The following SLC25A48 variants were observed in gnomAD, a reference collection of about 807,000 sequenced individuals.
SLC25A48 encodes the protein CTC-321K16.1.
A neutral mutation model predicts 32.2 loss-of-function variants in SLC25A48; 29 were observed. The observed-to-expected ratio is 0.90, with a 90% confidence interval of 0.67 to 1.23. SLC25A48 has a LOEUF of 1.23. SLC25A48 is among the 50% of genes most tolerant of loss of function. The pLI is 0.00. For missense variants in SLC25A48, 399 were observed against 422.7 expected (o/e 0.94, Z 0.49); for synonymous variants, 164 against 172.3 (o/e 0.95, Z 0.38).
intron 3 of SLC25A48, among the ~76,000 whole-genome samples, chr5:135,711,755 T>C (rs549509015): frequency 4.2e-4 from 64 of 152,318 alleles, no homozygotes; most frequent in African/African-American, 1.4e-3. Context: ...GACTGTATTC[T>C]TCAGTTACTG....
At chr5:135,608,910 T>C (rs1261983593) in intron 1 of SLC25A48, among the ~76,000 whole-genome samples, 1 of 152,204 alleles carries the variant, frequency 6.6e-6, no homozygotes, top group Non-Finnish European at 1.5e-5. Context: ...TAGATCTTAA[T>C]TGGAGGAAAG....
rs142685487 is a variant in SLC25A48 at position 135,667,578 on chromosome 5, C to T, written c.-521+32622C>T. ...TCTTAAAAACCCCCTACTCCCTTCC[C>T]TCTCTTTGGAATATAATTTGGCTTC... On this transcript the variant is annotated intron_variant, in intron 3 of 10. Transcript: ENST00000646290. Among the ~76,000 whole-genome samples, 1,330 of 152,312 alleles carry T rather than the reference C, an allele frequency of 8.7e-3. 13 individuals carry two copies. Among genetic ancestry groups the T allele is most frequent in the Non-Finnish European group, 0.013 (866 of 68,028 alleles).
chr5:135,710,724 G>T (rs1322453581), intron 3 of SLC25A48, among the ~76,000 whole-genome samples: 1 of 152,230 alleles, frequency 6.6e-6, no homozygotes, highest in Non-Finnish European at 1.5e-5. Flanking sequence ...ACCTCAACCT[G>T]TGACTTCCTG....
At chr5:135,866,036 C>T (rs17169238) in intron 4 of SLC25A48, among the ~76,000 whole-genome samples, 1,778 of 152,272 alleles carry the variant, frequency 0.012, 30 homozygotes, top group African/African-American at 0.04. Context: ...CTTGAAATGA[C>T]TCCCACTGGC....
rs1762531864 is a variant in SLC25A48, at chr5:135,882,281, C to T, written c.*7+2184C>T. Among the ~76,000 whole-genome samples, 3 of 152,366 alleles carry T rather than the reference C, an allele frequency of 2.0e-5. No homozygotes were observed. The South Asian group carries it at 6.2e-4, about 32-fold the overall frequency. ...TGCCCATGGCATTCAACTTCCTGCT[C>T]TAACCCCCAAATACCAAGGCCTTTT... On this transcript the variant is annotated intron_variant, in intron 7 of 7. Transcript: ENST00000681962.
chr5:135,865,596 G>A (rs995860605), intron 4 of SLC25A48, among the ~76,000 whole-genome samples: 2 of 152,094 alleles, frequency 1.3e-5, no homozygotes, highest in African/African-American at 2.4e-5. Context: ...TAAGTCAGGC[G>A]CTCCATTGTC....
intron 3 of SLC25A48, among the ~76,000 whole-genome samples, chr5:135,756,764 T>A (rs7732406): frequency 0.76 from 115,779 of 151,856 alleles, 44,725 homozygotes; most frequent in Middle Eastern, 0.87. Context: ...CATCTAGATG[T>A]TTATTTATAA....
intron 3 of SLC25A48, among the ~76,000 whole-genome samples, chr5:135,700,397 A>T (rs1754366227): frequency 6.7e-6 from 1 of 149,788 alleles, no homozygotes; most frequent in Non-Finnish European, 1.5e-5. Flanking sequence ...AAAAAAAGAA[A>T]GAAAGAAAAG....
chr5:135,767,708 G>A (rs1255108976), intron 3 of SLC25A48, among the ~76,000 whole-genome samples: 1 of 151,774 alleles, frequency 6.6e-6, no homozygotes, highest in African/African-American at 2.4e-5. Flanking sequence ...ACACCCACCT[G>A]TGATATTGTC....
chr5:135,654,599 G>A (rs1267628566), intron 3 of SLC25A48, among the ~76,000 whole-genome samples: 1 of 152,228 alleles, frequency 6.6e-6, no homozygotes, highest in Non-Finnish European at 1.5e-5. Flanking sequence ...GGACAAACGA[G>A]TCTGTGGTGA....
At chr5:135,790,429 C>A (rs759057112) in intron 3 of SLC25A48, among the ~76,000 whole-genome samples, 5 of 151,656 alleles carry the variant, frequency 3.3e-5, no homozygotes, top group Admixed American at 6.6e-5. Context: ...AGTGGGTGTA[C>A]ACGATTTGTG....
At chr5:135,875,635 G>C (rs1016925587) in intron 6 of SLC25A48, 21 of 152,254 alleles carry the variant, frequency 1.4e-4, no homozygotes, top group Non-Finnish European at 5.9e-5. Flanking sequence ...CTTATTTTTA[G>C]AGCACCTAGT....
intron 3 of SLC25A48, among the ~76,000 whole-genome samples, chr5:135,673,673 T>C (rs1037475625): frequency 1.3e-5 from 2 of 152,128 alleles, no homozygotes; most frequent in Non-Finnish European, 2.9e-5. Context: ...GCCTTTATAT[T>C]TCCACAGGTG....
intron 3 of SLC25A48, among the ~76,000 whole-genome samples, chr5:135,753,123 A>G (rs1755809043): frequency 6.6e-6 from 1 of 152,050 alleles, no homozygotes. Flanking sequence ...ATTATGCGTA[A>G]TATCACAGGG....
intron 5 of SLC25A48, among the ~76,000 whole-genome samples, chr5:135,873,684 A>T (rs1382898310): frequency 2.6e-5 from 4 of 152,152 alleles, no homozygotes; most frequent in African/African-American, 9.7e-5. Context: ...ACTGCTAATA[A>T]ATACTGCCAC....
chr5:135,771,749 T>C (rs1756417963), intron 3 of SLC25A48, among the ~76,000 whole-genome samples: 1 of 151,438 alleles, frequency 6.6e-6, no homozygotes, highest in Non-Finnish European at 1.5e-5. Flanking sequence ...GGAGAGAGGA[T>C]GATATTACTT....
At chr5:135,789,206 G>GCGATATTAGTCC (rs749237396) in intron 3 of SLC25A48, among the ~76,000 whole-genome samples, 33 of 138,386 alleles carry the variant, frequency 2.4e-4, no homozygotes, top group Middle Eastern at 4.1e-3. Flanking sequence ...ACCCTCCCCC[G>GCGATATTAGTCC]CCACGATATG....
At chr5:135,739,001 A>C (rs1561470222) in intron 3 of SLC25A48, among the ~76,000 whole-genome samples, 1 of 152,160 alleles carries the variant, frequency 6.6e-6, no homozygotes, top group Non-Finnish European at 1.5e-5. Flanking sequence ...AGAATCACTT[A>C]AACCCCGGAG....
At chr5:135,808,214 CAT>C (rs976407059) in intron 3 of SLC25A48, among the ~76,000 whole-genome samples, 7 of 150,258 alleles carry the variant, frequency 4.7e-5, no homozygotes, top group Non-Finnish European at 7.4e-5. Context: ...ATTTTATTAA[CAT>C]AGTGTGGTAA....
Sources: allele counts gnomAD v4.1 joint callset (sites outside exome capture counted in the v4.1 genomes callset), GRCh38; gene constraint gnomAD v4.1.1; transcripts MANE v1.5; gene names NCBI Gene and HGNC (gene_info 2026-07-23, HGNC 2026-07-21).